ACADSB: variants seen among roughly 807,000 people sequenced by gnomAD.
ACADSB encodes the protein acyl-CoA dehydrogenase short/branched chain.
Under a neutral mutation model 54.1 loss-of-function variants are expected in ACADSB, and 40 were observed. The observed-to-expected ratio is 0.74, with a 90% CI of 0.57 to 0.96. ACADSB has a LOEUF of 0.96. Ranked by LOEUF, ACADSB falls within the 40% of genes least tolerant of loss-of-function variation. The pLI is 0.00. For synonymous variants in ACADSB, 182 were observed against 182.8 expected (o/e 1.00, Z 0.03); for missense variants, 530 against 510.4 (o/e 1.04, Z -0.37).
chr10:123,026,404 G>A (rs1186838476), intron 1 of ACADSB, among the ~76,000 whole-genome samples: 1 of 152,142 alleles, frequency 6.6e-6, no homozygotes, highest in Non-Finnish European at 1.5e-5. Context: ...AGAGAAGTAT[G>A]TAAATGTATC....
At chr10:123,020,984 CAG>C (rs1385601596) in intron 1 of ACADSB, among the ~76,000 whole-genome samples, 3 of 152,172 alleles carry the variant, frequency 2.0e-5, no homozygotes, top group Non-Finnish European at 4.4e-5. Context: ...GCCTGGGTGA[CAG>C]AGCAAAACTC....
At chr10:123,025,485 A>G (rs1177996573) in intron 1 of ACADSB, among the ~76,000 whole-genome samples, 1 of 151,950 alleles carries the variant, frequency 6.6e-6, no homozygotes, top group African/African-American at 2.4e-5. Flanking sequence ...AAATAAATAA[A>G]TAAATAAAAT....
At chr10:123,021,849 C>T (rs1364669245) in intron 1 of ACADSB, among the ~76,000 whole-genome samples, 1 of 152,116 alleles carries the variant, frequency 6.6e-6, no homozygotes, top group African/African-American at 2.4e-5. Context: ...CTGAGGAAAA[C>T]AGGGTTTTTC....
intron 7 of ACADSB, 25 bp downstream of exon 7, chr10:123,044,510 T>G: frequency 6.4e-7 from 1 of 1,561,844 alleles, no homozygotes; most frequent in Non-Finnish European, 8.8e-7. Context: ...AACTCTTCCA[T>G]GATGTGAGTC....
intron 1 of ACADSB, among the ~76,000 whole-genome samples, chr10:123,016,451 G>C (rs1176882566): frequency 6.6e-6 from 1 of 152,212 alleles, no homozygotes; most frequent in Non-Finnish European, 1.5e-5. Flanking sequence ...ATGGCTGCTG[G>C]GATTGCCCAA....
At chr10:123,022,258 G>C (rs1166012616) in intron 1 of ACADSB, among the ~76,000 whole-genome samples, 2 of 152,184 alleles carry the variant, frequency 1.3e-5, no homozygotes, top group Non-Finnish European at 2.9e-5. Context: ...ACAGTTCATG[G>C]AGGGGAAGAG....
At chr10:123,023,721 C>A (rs1006078828) in intron 1 of ACADSB, among the ~76,000 whole-genome samples, 4 of 152,228 alleles carry the variant, frequency 2.6e-5, no homozygotes, top group Non-Finnish European at 4.4e-5. Context: ...CCCTCGCTAA[C>A]CAGGCCCCCT....
chr10:123,027,733 A>G (rs1850274831), intron 1 of ACADSB: 2 of 258,684 alleles, frequency 7.7e-6, no homozygotes, highest in Admixed American at 4.8e-5. Flanking sequence ...GCAGATATCA[A>G]TCCAGTGTCC....
At chr10:123,015,043 C>T (rs74159949) in intron 1 of ACADSB, among the ~76,000 whole-genome samples, 3,318 of 152,320 alleles carry the variant, frequency 0.022, 118 homozygotes, top group African/African-American at 0.075. Flanking sequence ...TAGAAAGAAT[C>T]ACAGAGTGAA....
chr10:123,053,680 T>G lies in ACADSB; in HGVS notation c.1229-15T>G, dbSNP rs371377486. The G allele has an allele frequency of 9.3e-6, 15 of 1,609,044 alleles. No individual in the cohort carries two copies. The highest frequency in any genetic ancestry group is 1.2e-5 in the Non-Finnish European group (14 of 1,175,420). ...GCCAACTCCTCATTGTTCCTTCTGCTTCCTTTTGCTTAAGGTACGATATAT... is the reference window on the plus strand; with the variant it reads ...GCCAACTCCTCATTGTTCCTTCTGCGTCCTTTTGCTTAAGGTACGATATAT... On this transcript the variant is annotated splice_polypyrimidine_tract_variant and intron_variant, in intron 10 of 10. Coordinates refer to ENST00000358776, the MANE Select transcript of ACADSB (RefSeq NM_001609.4).
chr10:123,051,257 A>G, intron 9 of ACADSB, 71 bp downstream of exon 9: 1 of 1,382,652 alleles, frequency 7.2e-7, no homozygotes, highest in Non-Finnish European at 9.5e-7. Context: ...TATACTTATT[A>G]ACATTTTCTC....
chr10:123,034,271 T>C, intron 1 of ACADSB, 85 bp from the exon 2 acceptor site: 2 of 1,420,882 alleles, frequency 1.4e-6, no homozygotes, highest in Non-Finnish European at 2.0e-6. Flanking sequence ...TTTGGTGACA[T>C]GAAATATAAG....
intron 1 of ACADSB, 39 bp downstream of exon 1, chr10:123,009,110 C>A: frequency 9.7e-6 from 15 of 1,538,988 alleles, no homozygotes; most frequent in Non-Finnish European, 1.3e-5. Context: ...GGGCCCAGGG[C>A]GACCTTGGCC....
At chr10:123,012,878 T>G (rs1320815442) in intron 1 of ACADSB, among the ~76,000 whole-genome samples, 4 of 152,194 alleles carry the variant, frequency 2.6e-5, no homozygotes, top group African/African-American at 9.7e-5. Flanking sequence ...ATTGGTCTGT[T>G]TTACAGACAG....
chr10:123,023,530 T>C (rs935217141), intron 1 of ACADSB, among the ~76,000 whole-genome samples: 1 of 152,216 alleles, frequency 6.6e-6, no homozygotes, highest in Non-Finnish European at 1.5e-5. Flanking sequence ...CTTGGAACTC[T>C]AGCCATGAGA....
chr10:123,032,583 C>CT (rs889911796), intron 1 of ACADSB, among the ~76,000 whole-genome samples: 2,268 of 106,812 alleles, frequency 0.021, 40 homozygotes, highest in Non-Finnish European at 0.027. Context: ...AATTTCCATT[C>CT]TTTTTTTTTT....
At chr10:123,025,489 A>G (rs1850239667) in intron 1 of ACADSB, among the ~76,000 whole-genome samples, 1 of 151,916 alleles carries the variant, frequency 6.6e-6, no homozygotes, top group Admixed American at 6.6e-5. Flanking sequence ...AAATAAATAA[A>G]TAAAATAATG....
At position 123,040,356 on chromosome 10, in the gene ACADSB, AAAT is replaced by A. The variant is rs71026045; in HGVS notation, c.304-98_304-96del. On this transcript the variant is annotated intron_variant, in intron 3 of 10. Transcript: ENST00000358776. ...ACGGAGCAAGACTGTCTCAAAAAAAAAATAATAATAATAAATATGGTTACAGTT... is the reference window on the plus strand; with the variant it reads ...ACGGAGCAAGACTGTCTCAAAAAAAAAATAATAATAAATATGGTTACAGTT... 0.84 allele frequency: 755,739 copies of A among 896,720 alleles called. 316,011 individuals carry two copies. Among genetic ancestry groups the A allele is most frequent in the South Asian group, 0.9 (53,222 of 59,234 alleles). The allele number at this position is 896,720 out of a possible 1,614,324, so 55.5% of individuals were successfully genotyped here.
chr10:123,012,568 C>G (rs1356488034), intron 1 of ACADSB, among the ~76,000 whole-genome samples: 1 of 152,074 alleles, frequency 6.6e-6, no homozygotes, highest in Admixed American at 6.5e-5. Flanking sequence ...TTCGGAGTTT[C>G]TTCCTTCTGG....
Sources: allele counts gnomAD v4.1 joint callset (sites outside exome capture counted in the v4.1 genomes callset), GRCh38; gene constraint gnomAD v4.1.1; transcripts MANE v1.5; gene names NCBI Gene and HGNC (gene_info 2026-07-23, HGNC 2026-07-21).